CBFB: variants seen among roughly 807,000 people sequenced by gnomAD.
CBFB encodes core-binding factor subunit beta.
In CBFB, 9 loss-of-function variants were observed where a neutral mutation model predicts 30.4. The ratio of observed to expected loss-of-function variants is 0.30; its 90% confidence interval spans 0.18 to 0.52. The LOEUF is 0.52. Ranked by LOEUF, CBFB falls within the 20% of genes least tolerant of loss-of-function variation. The pLI, the probability that CBFB is intolerant of heterozygous loss-of-function variation, is 0.97. For missense variants in CBFB, 170 were observed against 244.0 expected, an observed-to-expected ratio of 0.70 and a Z score of 2.02; for synonymous variants, 94 against 84.0, an observed-to-expected ratio of 1.12 and a Z score of -0.65.
At chr16:67,085,717 G>C (rs1036144042) in intron 5 of CBFB, among the ~76,000 whole-genome samples, 2 of 130,824 alleles carry the variant, frequency 1.5e-5, no homozygotes, top group African/African-American at 3.0e-5. Context: ...TCGCTCTGTC[G>C]CCCAGGCTGG....
chr16:67,049,964 GTA>G (rs1966709032), intron 3 of CBFB, among the ~76,000 whole-genome samples: 1 of 151,844 alleles, frequency 6.6e-6, no homozygotes, highest in Non-Finnish European at 1.5e-5. Flanking sequence ...TTCAAAAGTC[GTA>G]TTATCTGTTT....
intron 4 of CBFB, among the ~76,000 whole-genome samples, chr16:67,068,214 C>T (rs896907291): frequency 5.3e-5 from 8 of 152,190 alleles, no homozygotes; most frequent in African/African-American, 1.9e-4. Flanking sequence ...CGCAGTGGCT[C>T]ATGCTTATAA....
At position 67,054,928 on chromosome 16, in the gene CBFB, G is replaced by GT. The variant is rs1229164444; in HGVS notation, c.283-11753dup. Among the ~76,000 whole-genome samples the GT allele has an allele frequency of 6.6e-3, 911 of 138,160 alleles. 2 individuals are homozygous for GT. The highest frequency in any genetic ancestry group is 0.011 in the Non-Finnish European group (695 of 65,328). The allele number at this position is 138,160 out of a possible 152,430, so 90.6% of individuals were successfully genotyped here. A position where few individuals can be genotyped will look rare whatever the true frequency, so the allele number is the denominator to read the frequency against. On this transcript the variant is annotated intron_variant, in intron 3 of 5. Transcript: ENST00000412916. The stretch of plus-strand genomic sequence containing the variant: ...CACCACCACGCCTGGCTAATTTTTT[G>GT]TATTTTTTTTTTTTTTTTTAGTAGA...
intron 2 of CBFB, among the ~76,000 whole-genome samples, chr16:67,034,759 A>G (rs1315588738): frequency 1.3e-5 from 2 of 152,236 alleles, no homozygotes; most frequent in Non-Finnish European, 2.9e-5. Flanking sequence ...AACAAGCCAC[A>G]GGGATTTTGA....
At position 67,030,666 on chromosome 16, in the gene CBFB, C is replaced by A. The variant is rs943268463; in HGVS notation, c.165+853C>A. On this transcript the variant is annotated intron_variant, in intron 2 of 5. Transcript: ENST00000412916. ...CCAGGCTGGAGTACAGTGGCTCGAT[C>A]TCGGGTCACTGCAACCTTCGCCTCC... 8.5e-5 allele frequency among the ~76,000 whole-genome samples: 13 copies of A among 152,210 alleles called. 1 individual carries two copies. The East Asian group carries it at 1.4e-3, about 16-fold the overall frequency.
intron 3 of CBFB, 150 bp downstream of exon 3, chr16:67,036,905 A>ATTT: frequency 4.4e-6 from 2 of 456,162 alleles, no homozygotes; most frequent in Admixed American, 3.5e-5. Context: ...ATGTAATATA[A>ATTT]TTTTTTTTTT....
At chr16:67,045,145 T>A (rs1966600851) in intron 3 of CBFB, among the ~76,000 whole-genome samples, 1 of 152,198 alleles carries the variant, frequency 6.6e-6, no homozygotes, top group Non-Finnish European at 1.5e-5. Flanking sequence ...AGCGTTTGTA[T>A]TTTTAAAGAA....
intron 2 of CBFB, among the ~76,000 whole-genome samples, chr16:67,030,896 A>C (rs1169264142): frequency 6.6e-6 from 1 of 152,112 alleles, no homozygotes. Flanking sequence ...GTCTGGCCTG[A>C]TTATTTTTTA....
At chr16:67,031,297 G>T (rs1966341541) in intron 2 of CBFB, among the ~76,000 whole-genome samples, 1 of 152,182 alleles carries the variant, frequency 6.6e-6, no homozygotes, top group Non-Finnish European at 1.5e-5. Flanking sequence ...TTGAGTAATT[G>T]TAGTATTTAT....
intron 3 of CBFB, among the ~76,000 whole-genome samples, chr16:67,038,951 G>A (rs763274913): frequency 3.3e-5 from 5 of 152,138 alleles, no homozygotes; most frequent in African/African-American, 1.2e-4. Flanking sequence ...CTTCACTAGT[G>A]TGAAGACCAC....
intron 3 of CBFB, among the ~76,000 whole-genome samples, chr16:67,054,776 G>A (rs1336125810): frequency 3.3e-5 from 5 of 151,788 alleles, no homozygotes; most frequent in East Asian, 3.9e-4. Flanking sequence ...GTTTTGAGAC[G>A]GAGTCTCGCT....
intron 2 of CBFB, among the ~76,000 whole-genome samples, chr16:67,034,688 A>C (rs1332412196): frequency 6.6e-6 from 1 of 152,170 alleles, no homozygotes; most frequent in Non-Finnish European, 1.5e-5. Flanking sequence ...GTGTCTTAGC[A>C]CAGAACTGAT....
intron 5 of CBFB, among the ~76,000 whole-genome samples, chr16:67,087,130 T>C (rs577686474): frequency 1.3e-5 from 2 of 152,302 alleles, no homozygotes; most frequent in Admixed American, 1.3e-4. Context: ...TTTAAATGAA[T>C]ATAGGAATCA....
intron 3 of CBFB, among the ~76,000 whole-genome samples, chr16:67,041,979 C>G (rs1597126601): frequency 6.6e-6 from 1 of 151,192 alleles, no homozygotes; most frequent in Non-Finnish European, 1.5e-5. Context: ...GCCGTCATGG[C>G]TCACTGCAGC....
intron 3 of CBFB, among the ~76,000 whole-genome samples, chr16:67,060,775 A>C (rs1790338598): frequency 6.6e-6 from 1 of 152,110 alleles, no homozygotes; most frequent in African/African-American, 2.4e-5. Context: ...GGCTGATCTC[A>C]AACTCCTGAC....
At chr16:67,047,795 G>T (rs1275703666) in intron 3 of CBFB, among the ~76,000 whole-genome samples, 2 of 152,072 alleles carry the variant, frequency 1.3e-5, no homozygotes, top group Non-Finnish European at 2.9e-5. Context: ...TGGGTCAGGT[G>T]CCGTGGCTCG....
chr16:67,031,610 A>G (rs865845986), intron 2 of CBFB, among the ~76,000 whole-genome samples: 2 of 152,316 alleles, frequency 1.3e-5, no homozygotes, highest in African/African-American at 4.8e-5. Flanking sequence ...TCCTGGGTTA[A>G]AGCGATTCTC....
intron 5 of CBFB, among the ~76,000 whole-genome samples, chr16:67,090,101 C>T (rs1291842605): frequency 5.3e-5 from 8 of 152,080 alleles, no homozygotes; most frequent in Admixed American, 5.2e-4. Context: ...TTGGACTTTT[C>T]TTGGCTCTGT....
At chr16:67,092,095 A>G (rs535107891) in intron 5 of CBFB, among the ~76,000 whole-genome samples, 1 of 150,530 alleles carries the variant, frequency 6.6e-6, no homozygotes, top group East Asian at 2.0e-4. Context: ...TGTGTGTGAC[A>G]TTCCCTTCCC....
Sources: allele counts gnomAD v4.1 joint callset (sites outside exome capture counted in the v4.1 genomes callset), GRCh38; gene constraint gnomAD v4.1.1; transcripts MANE v1.5; gene names NCBI Gene and HGNC (gene_info 2026-07-23, HGNC 2026-07-21).